The following ADGRL3 variants were observed in gnomAD, a reference collection of about 807,000 sequenced individuals.
The protein encoded by ADGRL3 is adhesion G protein-coupled receptor L3.
Under a neutral mutation model 153.5 loss-of-function variants are expected in ADGRL3, and 62 were observed. The observed-to-expected ratio is 0.40, with a 90% CI of 0.33 to 0.50. The LOEUF (loss-of-function observed/expected upper bound fraction) is 0.50, where lower values mean the gene tolerates loss of function less well. Among genes scored for constraint, ADGRL3 ranks in the 20% least tolerant of loss-of-function variants. The pLI, the probability that ADGRL3 is intolerant of heterozygous loss-of-function variation, is 0.47. For synonymous variants in ADGRL3, 710 were observed against 672.5 expected, an observed-to-expected ratio of 1.06 and a Z score of -0.86; for missense variants, 1,641 against 1,859.4, an observed-to-expected ratio of 0.88 and a Z score of 2.16.
At chr4:61,214,086 T>C (rs975103039) in intron 1 of ADGRL3, among the ~76,000 whole-genome samples, 1 of 152,178 alleles carries the variant, frequency 6.6e-6, no homozygotes, top group Non-Finnish European at 1.5e-5. Flanking sequence ...ATATGTATAG[T>C]AACTTTTACT....
chr4:61,919,892 G>A (rs1241114019), intron 13 of ADGRL3, among the ~76,000 whole-genome samples: 1 of 152,136 alleles, frequency 6.6e-6, no homozygotes, highest in Non-Finnish European at 1.5e-5. Flanking sequence ...AAATGTTCCA[G>A]CTGCTGTTTG....
At chr4:61,843,981 A>G (rs1382504408) in intron 9 of ADGRL3, among the ~76,000 whole-genome samples, 3 of 150,494 alleles carry the variant, frequency 2.0e-5, no homozygotes, top group Non-Finnish European at 4.4e-5. Context: ...AGATGATGCC[A>G]TTGCACTCCA....
chr4:61,935,090 G>C, intron 14 of ADGRL3, 67 bp downstream of exon 14: 1 of 1,354,072 alleles, frequency 7.4e-7, no homozygotes, highest in Non-Finnish European at 1.0e-6. Context: ...AAAGAAAAAA[G>C]TATCTCTGGT....
intron 1 of ADGRL3, among the ~76,000 whole-genome samples, chr4:61,230,667 G>A (rs1308969840): frequency 2.0e-5 from 3 of 152,118 alleles, no homozygotes; most frequent in Non-Finnish European, 4.4e-5. Context: ...TTACAAGTGT[G>A]AGCCACTGTG....
intron 1 of ADGRL3, among the ~76,000 whole-genome samples, chr4:61,249,137 G>GTT (rs945714147): frequency 1.3e-5 from 2 of 152,126 alleles, no homozygotes; most frequent in African/African-American, 4.8e-5. Flanking sequence ...TGAAGTACGG[G>GTT]TTTTTTTGCA....
chr4:61,810,358 C>T (rs1001429488), intron 8 of ADGRL3, among the ~76,000 whole-genome samples: 18 of 152,062 alleles, frequency 1.2e-4, no homozygotes, highest in African/African-American at 4.3e-4. Flanking sequence ...TTGAAAAAGT[C>T]CCCAACTTCT....
intron 22 of ADGRL3, 138 bp from the exon 23 acceptor site, chr4:62,031,304 A>G: frequency 1.6e-6 from 1 of 621,930 alleles, no homozygotes; most frequent in South Asian, 3.2e-5. Flanking sequence ...ACCTTAAAGT[A>G]CTTACACCAC....
In ADGRL3 at chr4:61,732,759, C is replaced by A; in HGVS notation, c.604C>A (p.Leu202Ile). ...VPYKVEQKVF[L>I]CPGLLKGVYQ... ...AACTGTTTCCCTTCCAACAGTTTTT[C>A]TTTGTCCTGGACTACTAAAAGGAGT... Residue 202 changes from leucine (L) to isoleucine (I), a missense_variant, in exon 8 of 27, where the codon CTT becomes ATT. Transcript: ENST00000683033. The A allele has an allele frequency of 1.3e-6, 2 of 1,503,726 alleles. No individual in the cohort carries two copies. The allele number at this position is 1,503,726 out of a possible 1,614,324, so 93.1% of individuals were successfully genotyped here.
chr4:61,887,849 T>TA (rs2098548441), intron 9 of ADGRL3, among the ~76,000 whole-genome samples: 1 of 151,790 alleles, frequency 6.6e-6, no homozygotes, highest in African/African-American at 2.4e-5. Flanking sequence ...ATCTCAAAAA[T>TA]AAAAAATAAA....
At position 61,794,097 on chromosome 4, in the gene ADGRL3, C is replaced by G. The variant is rs535971791; in HGVS notation, c.1400-19712C>G. 3.3e-5 allele frequency among the ~76,000 whole-genome samples: 5 copies of G among 152,128 alleles called. No individual in the cohort carries two copies. The East Asian group carries it at 9.7e-4, about 29-fold the overall frequency. On this transcript the variant is annotated intron_variant, in intron 8 of 26. Coordinates refer to ENST00000683033, the MANE Select transcript of ADGRL3 (RefSeq NM_001387552.1). The stretch of plus-strand genomic sequence containing the variant: ...GTAATTAACTTTGCACAGACATAGT[C>G]GTAGTGGGTAAGGTTATATTGCCCT...
chr4:61,679,731 G>A (rs941236211), intron 6 of ADGRL3, among the ~76,000 whole-genome samples: 4 of 152,048 alleles, frequency 2.6e-5, no homozygotes, highest in African/African-American at 9.7e-5. Context: ...CATGTGAAAT[G>A]TAGACTAGCT....
intron 1 of ADGRL3, among the ~76,000 whole-genome samples, chr4:61,270,946 A>G (rs756642147): frequency 6.6e-6 from 1 of 151,792 alleles, no homozygotes. Flanking sequence ...AAGCTGAGGA[A>G]ACCTGTGGTT....
chr4:61,280,259 G>A (rs1411887641), intron 1 of ADGRL3, among the ~76,000 whole-genome samples: 2 of 151,512 alleles, frequency 1.3e-5, no homozygotes, highest in South Asian at 2.1e-4. Flanking sequence ...ACAGGAGCAC[G>A]CCACCATGCC....
intron 2 of ADGRL3, among the ~76,000 whole-genome samples, chr4:61,434,308 C>G (rs1266433966): frequency 3.3e-5 from 5 of 152,092 alleles, no homozygotes; most frequent in African/African-American, 1.2e-4. Flanking sequence ...TATTAATTGA[C>G]ACAGATATTA....
chr4:61,889,124 C>T (rs1347871059), intron 9 of ADGRL3, among the ~76,000 whole-genome samples: 1 of 152,146 alleles, frequency 6.6e-6, no homozygotes, highest in African/African-American at 2.4e-5. Context: ...CTCATTTACT[C>T]CTAGTCGGGC....
At chr4:61,364,344 A>AT (rs1260441589) in intron 1 of ADGRL3, among the ~76,000 whole-genome samples, 9 of 144,946 alleles carry the variant, frequency 6.2e-5, no homozygotes, top group South Asian at 2.2e-4. Context: ...AAAAAAAAAA[A>AT]AATAATAATA....
chr4:61,779,350 T>C (rs1031848834), intron 8 of ADGRL3, among the ~76,000 whole-genome samples: 3 of 151,986 alleles, frequency 2.0e-5, no homozygotes, highest in African/African-American at 7.3e-5. Context: ...TGTAACAAGC[T>C]GCTTAAATTT....
rs1049566230 is a variant in ADGRL3, at chr4:61,610,204, T to C, written c.473+22764T>C. On this transcript the variant is annotated intron_variant, in intron 5 of 26. Coordinates refer to ENST00000683033, the MANE Select transcript of ADGRL3 (RefSeq NM_001387552.1). Reference sequence around the variant, plus strand: ...TTTATTTCTAATGCAAGGGAATCTATGACATGAACATTTAATATATAATAT... The same window carrying C: ...TTTATTTCTAATGCAAGGGAATCTACGACATGAACATTTAATATATAATAT... 3.9e-5 allele frequency among the ~76,000 whole-genome samples: 6 copies of C among 151,998 alleles called. No individual in the cohort carries two copies. The South Asian group carries it at 8.3e-4, about 21-fold the overall frequency.
At chr4:61,945,745 C>T (rs1005846400) in intron 15 of ADGRL3, among the ~76,000 whole-genome samples, 1 of 151,804 alleles carries the variant, frequency 6.6e-6, no homozygotes, top group East Asian at 2.0e-4. Context: ...AGGGAACTCC[C>T]TGACCCCTTG....
Sources: gnomAD v4.1 joint callset for allele counts (sites outside exome capture counted in the v4.1 genomes callset) on GRCh38, gnomAD v4.1.1 for gene constraint, MANE v1.5 for transcripts, NCBI Gene and HGNC (gene_info 2026-07-23, HGNC 2026-07-21) for gene names.